Variants in GNA12 observed in about 807,000 individuals in gnomAD.
GNA12 encodes the protein G protein subunit alpha 12, also known as guanine nucleotide-binding protein subunit alpha-12.
GNA12 carries 9 observed loss-of-function variants against 26.0 expected under a neutral mutation model. The ratio of observed to expected loss-of-function variants is 0.35; its 90% CI spans 0.21 to 0.60. The LOEUF is 0.60. GNA12 is among the 20% of genes least tolerant of loss of function. The probability of loss-of-function intolerance (pLI) is 0.78; values close to 1 mark genes in which losing one functional copy is unlikely to be tolerated. For synonymous variants in GNA12, 264 were observed against 219.6 expected (o/e 1.20, Z -1.79); for missense variants, 405 against 525.8 (o/e 0.77, Z 2.25).
intron 1 of GNA12, among the ~76,000 whole-genome samples, chr7:2,827,924 T>A (rs1019231437): frequency 1.5e-4 from 12 of 79,278 alleles, no homozygotes; most frequent in East Asian, 6.5e-4. Context: ...TTATTTAAAA[T>A]TTTTTTTAAT....
intron 1 of GNA12, among the ~76,000 whole-genome samples, chr7:2,799,922 A>G (rs955321802): frequency 3.3e-5 from 5 of 152,190 alleles, no homozygotes; most frequent in Non-Finnish European, 7.3e-5. Flanking sequence ...CCTCTCATAC[A>G]CTGCTAGTGG....
In GNA12 at chr7:2,728,947, T is replaced by G. The variant is rs751259668; in HGVS notation, c.*2234A>C. The G allele has an allele frequency of 2.8e-4, 43 of 152,544 alleles. No homozygotes were observed. The highest frequency in any genetic ancestry group is 3.4e-3 in the Middle Eastern group (1 of 294). 9.4% of individuals were successfully genotyped at this position (152,544 alleles called of 1,614,324 possible). A position where few individuals can be genotyped will look rare whatever the true frequency, so the allele number is the denominator to read the frequency against. On this transcript the variant is annotated 3_prime_UTR_variant, in exon 4 of 4. Transcript: ENST00000275364. Reference sequence around the variant, plus strand: ...GAGCCCGCGCCGGGGGCCATCCCCCTGCGCTTTCTATCGAGTTAAACGGAC... The same window carrying G: ...GAGCCCGCGCCGGGGGCCATCCCCCGGCGCTTTCTATCGAGTTAAACGGAC...
intron 2 of GNA12, among the ~76,000 whole-genome samples, chr7:2,771,664 AG>A (rs1791951931): frequency 6.6e-6 from 1 of 152,142 alleles, no homozygotes; most frequent in Non-Finnish European, 1.5e-5. Flanking sequence ...GTATCCCCAC[AG>A]AAGGGTGCAC....
intron 1 of GNA12, among the ~76,000 whole-genome samples, chr7:2,824,835 A>G (rs564961576): frequency 1.3e-5 from 2 of 152,338 alleles, no homozygotes; most frequent in East Asian, 1.9e-4. Context: ...CAGCACAGCC[A>G]TCACCTAGGA....
At chr7:2,830,796 G>A (rs990960184) in intron 1 of GNA12, among the ~76,000 whole-genome samples, 1 of 152,124 alleles carries the variant, frequency 6.6e-6, no homozygotes. Context: ...TCCCTGCCAA[G>A]TGGGCTATGG....
intron 2 of GNA12, among the ~76,000 whole-genome samples, chr7:2,791,601 C>T (rs2115452202): frequency 6.6e-6 from 1 of 152,304 alleles, no homozygotes; most frequent in East Asian, 1.9e-4. Flanking sequence ...TGCAGCTCTT[C>T]ACAGGGACTG....
intron 2 of GNA12, 135 bp downstream of exon 2, chr7:2,794,793 G>C: frequency 2.9e-6 from 2 of 683,968 alleles, no homozygotes; most frequent in Non-Finnish European, 2.5e-6. Context: ...TTTGGTTGTT[G>C]ATCATTACAA....
chr7:2,746,174 T>C (rs974403103), intron 2 of GNA12, among the ~76,000 whole-genome samples: 15 of 152,180 alleles, frequency 9.9e-5, no homozygotes, highest in African/African-American at 3.4e-4. Flanking sequence ...GCAGACCTAA[T>C]AGACATCTAC....
intron 2 of GNA12, among the ~76,000 whole-genome samples, chr7:2,738,396 G>A (rs933245101): frequency 9.2e-5 from 14 of 152,190 alleles, no homozygotes; most frequent in African/African-American, 3.4e-4. Flanking sequence ...AGGAAACTGT[G>A]ATCTCCACGC....
intron 2 of GNA12, among the ~76,000 whole-genome samples, chr7:2,778,217 GAA>G (rs1792128276): frequency 6.6e-6 from 1 of 152,116 alleles, no homozygotes; most frequent in Non-Finnish European, 1.5e-5. Flanking sequence ...AAAGAGAAAA[GAA>G]AAAAGTCATA....
intron 1 of GNA12, among the ~76,000 whole-genome samples, chr7:2,821,697 T>TA (rs1793374493): frequency 6.6e-6 from 1 of 152,150 alleles, no homozygotes; most frequent in Non-Finnish European, 1.5e-5. Flanking sequence ...TGAACAATGC[T>TA]AGGTAAGCTC....
chr7:2,774,064 T>G (rs1269361765), intron 2 of GNA12, among the ~76,000 whole-genome samples: 1 of 152,152 alleles, frequency 6.6e-6, no homozygotes, highest in Non-Finnish European at 1.5e-5. Flanking sequence ...ATACCCATTC[T>G]ACAGAACAGC....
intron 2 of GNA12, chr7:2,762,249 C>G (rs1223897917): frequency 4.9e-6 from 1 of 204,838 alleles, no homozygotes; most frequent in Non-Finnish European, 9.7e-6. Context: ...CTAGGAAACA[C>G]CACCCTGACT....
At chr7:2,779,724 G>A (rs1366848384) in intron 2 of GNA12, among the ~76,000 whole-genome samples, 1 of 151,846 alleles carries the variant, frequency 6.6e-6, no homozygotes, top group African/African-American at 2.4e-5. Flanking sequence ...GCAGCCTCCT[G>A]AGTGGCTGGA....
chr7:2,842,962 A>T (rs1050208065), intron 1 of GNA12, among the ~76,000 whole-genome samples: 2 of 152,342 alleles, frequency 1.3e-5, no homozygotes, highest in Middle Eastern at 3.4e-3. Flanking sequence ...CTTTACAGTC[A>T]ATCTACTATT....
intron 1 of GNA12, among the ~76,000 whole-genome samples, chr7:2,828,001 G>C (rs1378077138): frequency 6.6e-6 from 1 of 152,072 alleles, no homozygotes; most frequent in Non-Finnish European, 1.5e-5. Context: ...CAGATAACAG[G>C]AAAGAACTCA....
intron 1 of GNA12, among the ~76,000 whole-genome samples, chr7:2,806,673 A>C (rs1398291545): frequency 6.6e-6 from 1 of 152,194 alleles, no homozygotes; most frequent in African/African-American, 2.4e-5. Context: ...GTAACACTTT[A>C]AAATTTTTCT....
At chr7:2,739,139 C>A (rs1790370169) in intron 2 of GNA12, among the ~76,000 whole-genome samples, 1 of 152,224 alleles carries the variant, frequency 6.6e-6, no homozygotes, top group South Asian at 2.1e-4. Context: ...GCACCAGCCC[C>A]CTTGCCTGGG....
intron 2 of GNA12, among the ~76,000 whole-genome samples, chr7:2,773,200 G>T (rs563796292): frequency 1.3e-5 from 2 of 152,184 alleles, no homozygotes; most frequent in Non-Finnish European, 2.9e-5. Context: ...AGATACATAC[G>T]TAAATCTCAT....
Sources: gnomAD v4.1 joint callset for allele counts (sites outside exome capture counted in the v4.1 genomes callset) on GRCh38, gnomAD v4.1.1 for gene constraint, MANE v1.5 for transcripts, NCBI Gene and HGNC (gene_info 2026-07-23, HGNC 2026-07-21) for gene names.